MAPKAP1: variants seen among roughly 807,000 people sequenced by gnomAD.
MAPKAP1 encodes MAPK associated protein 1, also known as target of rapamycin complex 2 subunit MAPKAP1.
A neutral mutation model predicts 65.7 loss-of-function variants in MAPKAP1; 20 were observed. The ratio of observed to expected loss-of-function variants is 0.30; its 90% CI spans 0.21 to 0.44. MAPKAP1 has a LOEUF of 0.44. Among genes scored for constraint, MAPKAP1 ranks in the 20% least tolerant of loss-of-function variants. The probability of loss-of-function intolerance (pLI) is 1.00; values close to 1 mark genes in which losing one functional copy is unlikely to be tolerated. For synonymous variants in MAPKAP1, 222 were observed against 244.3 expected (o/e 0.91, Z 0.85); for missense variants, 423 against 648.0 (o/e 0.65, Z 3.77).
Position 125,693,656 on chromosome 9 carries a change from CATACACACACAT to C in MAPKAP1, c.-70+13303_-70+13314del, listed in dbSNP as rs1248658248. On this transcript the variant is annotated intron_variant, in intron 1 of 11. Coordinates refer to ENST00000265960, the MANE Select transcript of MAPKAP1 (RefSeq NM_001006617.3). ...ATATACACACACATATACACGTATA[CATACACACACAT>C]ATACACGTATATATACACGTATATA... Among the ~76,000 whole-genome samples the C allele has an allele frequency of 2.9e-3, 374 of 128,464 alleles. 1 individual carries two copies. The highest frequency in any genetic ancestry group is 0.013 in the African/African-American group (351 of 27,870). The allele number at this position is 128,464 out of a possible 152,430, so 84.3% of individuals were successfully genotyped here.
intron 4 of MAPKAP1, among the ~76,000 whole-genome samples, chr9:125,612,536 C>T (rs185817556): frequency 6.6e-6 from 1 of 152,290 alleles, no homozygotes; most frequent in Admixed American, 6.5e-5. Context: ...TTCCTAAACG[C>T]ACTGTCTATT....
intron 3 of MAPKAP1, among the ~76,000 whole-genome samples, chr9:125,664,460 C>A (rs1834280428): frequency 6.6e-6 from 1 of 151,712 alleles, no homozygotes; most frequent in Non-Finnish European, 1.5e-5. Flanking sequence ...TGTGGTGGCT[C>A]ATGCCTGTAA....
In MAPKAP1 at chr9:125,564,707, G is replaced by C. The variant is rs988853477; in HGVS notation, c.672-4898C>G. Among the ~76,000 whole-genome samples, 7 of 152,314 alleles carry C rather than the reference G, an allele frequency of 4.6e-5. No homozygotes were observed. In the South Asian group the frequency reaches 1.5e-3, roughly 32 times the overall value. On this transcript the variant is annotated intron_variant, in intron 5 of 11. Transcript: ENST00000265960. ...ATTGAATGATTGAATTTATTGCACAGTGCCTGCATGAAGAAAGATTCTCAT... is the reference window on the plus strand; with the variant it reads ...ATTGAATGATTGAATTTATTGCACACTGCCTGCATGAAGAAAGATTCTCAT...
At chr9:125,504,578 G>C (rs59229153) in intron 8 of MAPKAP1, among the ~76,000 whole-genome samples, 2,392 of 152,002 alleles carry the variant, frequency 0.016, 59 homozygotes, top group African/African-American at 0.053. Flanking sequence ...GAGTTCAAGA[G>C]CAGTCTGGCC....
intron 4 of MAPKAP1, among the ~76,000 whole-genome samples, chr9:125,586,311 C>T (rs1008954686): frequency 1.3e-5 from 2 of 152,148 alleles, no homozygotes; most frequent in Non-Finnish European, 2.9e-5. Context: ...TATATTCCCA[C>T]TCCCTCCCAC....
rs545944472 is a variant in MAPKAP1 at position 125,448,454 on chromosome 9, T to C, written c.1346-3856A>G. Among the ~76,000 whole-genome samples the C allele has an allele frequency of 3.3e-5, 5 of 152,288 alleles. No homozygotes were observed. In the South Asian group the frequency reaches 6.2e-4, roughly 19 times the overall value. On this transcript the variant is annotated intron_variant, in intron 10 of 11. Transcript: ENST00000265960. ...GAACTGCCCACACTTCAATACTGAC[T>C]GAACAAAAGAACACCTGTTATCAGA...
At chr9:125,693,133 C>G (rs1160707841) in intron 1 of MAPKAP1, among the ~76,000 whole-genome samples, 3 of 152,070 alleles carry the variant, frequency 2.0e-5, no homozygotes, top group Non-Finnish European at 4.4e-5. Context: ...AGAAAACAGG[C>G]CGGGCACAGT....
intron 10 of MAPKAP1, among the ~76,000 whole-genome samples, chr9:125,458,645 T>C (rs1295324797): frequency 6.6e-6 from 1 of 151,052 alleles, no homozygotes; most frequent in Non-Finnish European, 1.5e-5. Flanking sequence ...AACCATCCGA[T>C]TTCTCAATCT....
At chr9:125,545,250 A>G (rs963477370) in intron 6 of MAPKAP1, among the ~76,000 whole-genome samples, 12 of 152,254 alleles carry the variant, frequency 7.9e-5, no homozygotes, top group African/African-American at 2.7e-4. Context: ...TTAAAAAACT[A>G]TATTTAGGGA....
chr9:125,574,807 T>A (rs930164277), intron 5 of MAPKAP1, among the ~76,000 whole-genome samples: 15 of 152,270 alleles, frequency 9.9e-5, no homozygotes, highest in Non-Finnish European at 1.9e-4. Context: ...GCACTTGCTA[T>A]GTATTTTCTC....
intron 5 of MAPKAP1, among the ~76,000 whole-genome samples, chr9:125,581,109 G>A (rs75886734): frequency 0.024 from 3,671 of 152,318 alleles, 164 homozygotes; most frequent in African/African-American, 0.084. Context: ...TTTACCTGCT[G>A]AAGGACATTT....
intron 4 of MAPKAP1, among the ~76,000 whole-genome samples, chr9:125,625,264 A>ATAAAT (rs770820051): frequency 1.0e-4 from 14 of 138,270 alleles, no homozygotes; most frequent in African/African-American, 3.6e-4. Context: ...ATAAAAAAAA[A>ATAAAT]AAAAAAAAAA....
At position 125,588,320 on chromosome 9, in the gene MAPKAP1, T is replaced by G. The variant is rs989707727; in HGVS notation, c.499-2593A>C. Among the ~76,000 whole-genome samples, 3 of 152,186 alleles carry G rather than the reference T, an allele frequency of 2.0e-5. No individual in the cohort carries two copies. The East Asian group carries it at 5.8e-4, about 29-fold the overall frequency. On this transcript the variant is annotated intron_variant, in intron 4 of 11. Transcript: ENST00000265960. ...CCAGACATGAAAGGCCACTACTGTA[T>G]GAACCCATTTATATGAACTGTTCAG...
chr9:125,490,068 G>A (rs1252753216), intron 8 of MAPKAP1, among the ~76,000 whole-genome samples: 1 of 152,142 alleles, frequency 6.6e-6, no homozygotes, highest in African/African-American at 2.4e-5. Flanking sequence ...CTGTTGAGTC[G>A]AATAACTGTA....
At chr9:125,482,148 A>AAAGAAGAAGAAG (rs549036267) in intron 9 of MAPKAP1, among the ~76,000 whole-genome samples, 1 of 116,982 alleles carries the variant, frequency 8.5e-6, no homozygotes, top group Non-Finnish European at 1.7e-5. Flanking sequence ...AAAAAAAAAA[A>AAAGAAGAAGAAG]AAGAAGAAGA....
At chr9:125,560,726 C>T (rs1356953098) in intron 5 of MAPKAP1, among the ~76,000 whole-genome samples, 1 of 152,148 alleles carries the variant, frequency 6.6e-6, no homozygotes, top group Non-Finnish European at 1.5e-5. Flanking sequence ...CTTCAAACAC[C>T]ATGGATCCTT....
Position 125,506,437 on chromosome 9 carries a change from G to A in MAPKAP1, c.959-20C>T. 1 of 1,591,924 alleles carries A rather than the reference G, an allele frequency of 6.3e-7. No individual in the cohort carries two copies. The highest frequency in any genetic ancestry group is 8.6e-7 in the Non-Finnish European group (1 of 1,159,960). The stretch of plus-strand genomic sequence containing the variant: ...GAGGGCCTGGAAGATCAAAGGGGCA[G>A]GAGGAGGGGAGGAAGTCTGAAACAG... On this transcript the variant is annotated intron_variant, in intron 7 of 11. Coordinates refer to ENST00000265960, the MANE Select transcript of MAPKAP1 (RefSeq NM_001006617.3).
chr9:125,584,508 G>A (rs1216693869), intron 5 of MAPKAP1, among the ~76,000 whole-genome samples: 6 of 152,048 alleles, frequency 3.9e-5, no homozygotes, highest in African/African-American at 1.4e-4. Flanking sequence ...GCGCGATCTC[G>A]GTTCACTGCA....
At chr9:125,673,715 T>G (rs1178128306) in intron 1 of MAPKAP1, among the ~76,000 whole-genome samples, 1 of 151,472 alleles carries the variant, frequency 6.6e-6, no homozygotes. Flanking sequence ...AGTCCAGGAG[T>G]TCAAGACCAA....
Sources: allele counts gnomAD v4.1 joint callset (sites outside exome capture counted in the v4.1 genomes callset), GRCh38; gene constraint gnomAD v4.1.1; transcripts MANE v1.5; gene names NCBI Gene and HGNC (gene_info 2026-07-23, HGNC 2026-07-21).